CENPW: variants seen among roughly 807,000 people sequenced by gnomAD.
CENPW encodes the protein centromere protein W.
Under a neutral mutation model 11.1 loss-of-function variants are expected in CENPW, and 3 were observed. The ratio of observed to expected loss-of-function variants is 0.27; its 90% CI spans 0.12 to 0.70. CENPW has a LOEUF of 0.70. Ranked by LOEUF, CENPW falls within the 30% of genes least tolerant of loss-of-function variation. The pLI is 0.77. For synonymous variants in CENPW, 38 were observed against 42.0 expected, an observed-to-expected ratio of 0.91 and a Z score of 0.37; for missense variants, 100 against 105.6, an observed-to-expected ratio of 0.95 and a Z score of 0.23.
the CENPW span, among the ~76,000 whole-genome samples, chr6:126,447,634 A>G: frequency 4.0e-5 from 6 of 151,160 alleles, no homozygotes; most frequent in Admixed American, 4.0e-4. Flanking sequence ...TACAATATCA[A>G]ATTGGGCCTT....
At chr6:126,469,005 G>A in the CENPW span, among the ~76,000 whole-genome samples, 9 of 152,090 alleles carry the variant, frequency 5.9e-5, no homozygotes, top group Non-Finnish European at 1.0e-4. Flanking sequence ...GTTTCACCAG[G>A]CTGGTCTCAA....
At chr6:126,481,323 G>C in the CENPW span, among the ~76,000 whole-genome samples, 4 of 151,802 alleles carry the variant, frequency 2.6e-5, no homozygotes, top group East Asian at 7.7e-4. Context: ...TGGATCTTTT[G>C]ATAGGCATAT....
At chr6:126,352,069 T>C (rs1347571726), downstream of CENPW, among the ~76,000 whole-genome samples, 1 of 152,150 alleles carries the variant, frequency 6.6e-6, no homozygotes, top group Non-Finnish European at 1.5e-5. Context: ...AGCCAGGTGA[T>C]GCTAGTGTTG....
the CENPW span, among the ~76,000 whole-genome samples, chr6:126,392,977 A>G: frequency 6.6e-6 from 1 of 151,832 alleles, no homozygotes; most frequent in African/African-American, 2.4e-5. Flanking sequence ...ATTATTTGCT[A>G]TTAGTCTGCT....
chr6:126,389,322 A>T, the CENPW span, among the ~76,000 whole-genome samples: 1 of 151,890 alleles, frequency 6.6e-6, no homozygotes, highest in Non-Finnish European at 1.5e-5. Context: ...CTGTAAGAGT[A>T]CTTTGTTTTT....
chr6:126,409,157 A>G, the CENPW span, among the ~76,000 whole-genome samples: 1 of 152,068 alleles, frequency 6.6e-6, no homozygotes, highest in African/African-American at 2.4e-5. Flanking sequence ...AAAGTTTTAA[A>G]TTTCCTAATT....
the CENPW span, among the ~76,000 whole-genome samples, chr6:126,444,415 T>A: frequency 2.0e-5 from 3 of 150,978 alleles, no homozygotes; most frequent in Non-Finnish European, 4.5e-5. Flanking sequence ...ATTTTCCTTT[T>A]TCTATATTCT....
the CENPW span, among the ~76,000 whole-genome samples, chr6:126,402,362 T>C: frequency 6.6e-6 from 1 of 151,874 alleles, no homozygotes; most frequent in African/African-American, 2.4e-5. Context: ...CCTTCCTTTC[T>C]TCCTTCCATC....
chr6:126,441,530 A>G, the CENPW span, among the ~76,000 whole-genome samples: 1 of 151,282 alleles, frequency 6.6e-6, no homozygotes, highest in Non-Finnish European at 1.5e-5. Context: ...TTTAGTGGTG[A>G]TTTCTGAGTT....
At chr6:126,356,966 TTTG>T in the CENPW span, among the ~76,000 whole-genome samples, 5 of 152,192 alleles carry the variant, frequency 3.3e-5, no homozygotes, top group African/African-American at 1.2e-4. Flanking sequence ...CTTGTCAATT[TTTG>T]TTGTTGTTGC....
the CENPW span, among the ~76,000 whole-genome samples, chr6:126,387,348 A>G: frequency 6.6e-6 from 1 of 151,996 alleles, no homozygotes; most frequent in Admixed American, 6.6e-5. Context: ...TTAAGTATAA[A>G]TGTGGTGTTT....
At chr6:126,425,183 T>G in the CENPW span, among the ~76,000 whole-genome samples, 1 of 152,084 alleles carries the variant, frequency 6.6e-6, no homozygotes, top group African/African-American at 2.4e-5. Context: ...AAGAAATGTT[T>G]GGAGAAGAAG....
At chr6:126,474,888 A>G in the CENPW span, among the ~76,000 whole-genome samples, 1 of 152,150 alleles carries the variant, frequency 6.6e-6, no homozygotes, top group Non-Finnish European at 1.5e-5. Flanking sequence ...CCAGTTCCAT[A>G]AATTTTACTT....
chr6:126,376,302 A>C, the CENPW span, among the ~76,000 whole-genome samples: 1 of 152,194 alleles, frequency 6.6e-6, no homozygotes, highest in South Asian at 2.1e-4. Context: ...TAGTCTTCAC[A>C]TCCCAGGTTA....
At chr6:126,346,406 C>T in intron 2 of CENPW, 88 bp downstream of exon 2, 2 of 642,846 alleles carry the variant, frequency 3.1e-6, no homozygotes, top group Admixed American at 3.0e-5. Context: ...GTATACCTTA[C>T]TCAGCTTTGT....
the CENPW span, among the ~76,000 whole-genome samples, chr6:126,437,025 T>G: frequency 6.6e-6 from 1 of 151,832 alleles, no homozygotes; most frequent in Admixed American, 6.6e-5. Flanking sequence ...AAGCTTTTTT[T>G]TTTTCATTCA....
the CENPW span, among the ~76,000 whole-genome samples, chr6:126,366,097 T>TA: frequency 5.3e-5 from 8 of 152,212 alleles, no homozygotes; most frequent in Admixed American, 1.3e-4. Context: ...ACTATGAAAA[T>TA]AAAGTTGGGA....
At chr6:126,419,411 T>TA in the CENPW span, among the ~76,000 whole-genome samples, 1 of 152,156 alleles carries the variant, frequency 6.6e-6, no homozygotes, top group Non-Finnish European at 1.5e-5. Flanking sequence ...CAATTCAACT[T>TA]ACCAAGTGCC....
At chr6:126,412,655 C>A in the CENPW span, among the ~76,000 whole-genome samples, 1 of 152,024 alleles carries the variant, frequency 6.6e-6, no homozygotes, top group Non-Finnish European at 1.5e-5. Context: ...GCTTTCTCTC[C>A]TCTCCTTCTG....
Sources: allele counts gnomAD v4.1 joint callset (sites outside exome capture counted in the v4.1 genomes callset), GRCh38; gene constraint gnomAD v4.1.1; transcripts MANE v1.5; gene names NCBI Gene and HGNC (gene_info 2026-07-23, HGNC 2026-07-21).